PREX1: variants seen among roughly 807,000 people sequenced by gnomAD.
PREX1 encodes phosphatidylinositol 3,4,5-trisphosphate-dependent Rac exchanger 1 protein.
PREX1 carries 41 observed loss-of-function variants against 198.3 expected under a neutral mutation model. That is an observed-to-expected ratio of 0.21 (90% CI 0.16 to 0.27). PREX1 has a LOEUF of 0.27. Among genes scored for constraint, PREX1 ranks in the 10% least tolerant of loss-of-function variants. The pLI is 1.00. For missense variants in PREX1, 1,620 were observed against 2,200.7 expected, an observed-to-expected ratio of 0.74 and a Z score of 5.28; for synonymous variants, 843 against 887.2, an observed-to-expected ratio of 0.95 and a Z score of 0.89.
At chr20:48,807,379 G>T (rs2090416480) in intron 1 of PREX1, among the ~76,000 whole-genome samples, 1 of 152,022 alleles carries the variant, frequency 6.6e-6, no homozygotes, top group Non-Finnish European at 1.5e-5. Flanking sequence ...TAAAGGTACA[G>T]CACATACAGC....
At position 48,700,902 on chromosome 20, in the gene PREX1, G is replaced by T; in HGVS notation, c.784-16C>A. On this transcript the variant is annotated splice_polypyrimidine_tract_variant and intron_variant, in intron 6 of 39. Coordinates refer to ENST00000371941, the MANE Select transcript of PREX1 (RefSeq NM_020820.4). ...GGTTGGAACCCTGGAAGCGCAATGA[G>T]GACACAGTGAATGAGCCAACCCAGG... 6.2e-7 allele frequency: 1 copy of T among 1,614,038 alleles called. No individual in the cohort carries two copies. The highest frequency in any genetic ancestry group is 8.5e-7 in the Non-Finnish European group (1 of 1,179,932).
At chr20:48,701,762 G>C (rs988115775) in intron 6 of PREX1, among the ~76,000 whole-genome samples, 3 of 152,162 alleles carry the variant, frequency 2.0e-5, no homozygotes, top group Admixed American at 1.3e-4. Context: ...CTAAGCTAAA[G>C]ATTTACACGT....
chr20:48,676,513 G>A (rs1028475429), intron 13 of PREX1, among the ~76,000 whole-genome samples: 2 of 152,202 alleles, frequency 1.3e-5, no homozygotes, highest in Non-Finnish European at 2.9e-5. Context: ...CAGCTCCAGG[G>A]CTCTGGAAAC....
chr20:48,646,103 T>G (rs1279838816), intron 25 of PREX1, 46 bp from the exon 26 acceptor site: 14 of 1,579,634 alleles, frequency 8.9e-6, no homozygotes, highest in Non-Finnish European at 1.2e-5. Flanking sequence ...GCCTGGCCCT[T>G]TGTGTCCCTT....
the PREX1 span, among the ~76,000 whole-genome samples, chr20:48,885,201 G>A: frequency 6.6e-6 from 1 of 152,182 alleles, no homozygotes; most frequent in Middle Eastern, 3.2e-3. Context: ...TAGGTCATTT[G>A]GATATAACAG....
chr20:48,720,881 C>G (rs908582073), intron 5 of PREX1, among the ~76,000 whole-genome samples: 6 of 152,170 alleles, frequency 3.9e-5, no homozygotes, highest in Non-Finnish European at 8.8e-5. Context: ...GCATCACCCA[C>G]AGACAGACAT....
chr20:48,824,063 G>A (rs377081575), intron 1 of PREX1, among the ~76,000 whole-genome samples: 4 of 152,128 alleles, frequency 2.6e-5, no homozygotes, highest in East Asian at 1.9e-4. Flanking sequence ...CATGACTAAC[G>A]CTGCCCAGAG....
chr20:48,659,132 G>GGAGAGGA lies in PREX1; in HGVS notation c.1881+780_1881+786dup, dbSNP rs1179860548. Among the ~76,000 whole-genome samples the GGAGAGGA allele has an allele frequency of 1.7e-3, 251 of 147,176 alleles. 1 individual carries two copies. The highest frequency in any genetic ancestry group is 5.9e-3 in the African/African-American group (232 of 39,536). On this transcript the variant is annotated intron_variant, in intron 16 of 39. Coordinates refer to ENST00000371941, the MANE Select transcript of PREX1 (RefSeq NM_020820.4). ...TTGTCCTAGCCACTGGGGAGGCAGA[G>GGAGAGGA]GAGAGGAGAGAGGAGAGAGGGGAGG...
chr20:48,829,761 T>C (rs961980604), upstream of PREX1, among the ~76,000 whole-genome samples: 1 of 152,308 alleles, frequency 6.6e-6, no homozygotes, highest in Non-Finnish European at 1.5e-5. Flanking sequence ...GGGGAGAACA[T>C]GGCTGGAACA....
At chr20:48,703,775 A>G (rs542790008) in intron 6 of PREX1, among the ~76,000 whole-genome samples, 34 of 152,150 alleles carry the variant, frequency 2.2e-4, no homozygotes, top group African/African-American at 8.2e-4. Context: ...GCCAAGCACC[A>G]CCTGGCAAAC....
Position 48,624,723 on chromosome 20 carries a change from T to A in PREX1, c.*1162A>T, listed in dbSNP as rs1353584231. ...TGGCTTCCTGTGCTCTGGCTGGTGA[T>A]GTCCCAATCGCCCTGCTCTGAGAAG... On this transcript the variant is annotated 3_prime_UTR_variant, in exon 40 of 40. Coordinates refer to ENST00000371941, the MANE Select transcript of PREX1 (RefSeq NM_020820.4). 6.6e-6 allele frequency: 1 copy of A among 152,270 alleles called. No individual in the cohort carries two copies. Among genetic ancestry groups the A allele is most frequent in the Non-Finnish European group, 1.5e-5 (1 of 68,058 alleles). 9.4% of individuals were successfully genotyped at this position (152,270 alleles called of 1,614,324 possible).
the PREX1 span, among the ~76,000 whole-genome samples, chr20:48,867,535 C>T: frequency 2.0e-5 from 3 of 152,236 alleles, no homozygotes; most frequent in Non-Finnish European, 4.4e-5. Flanking sequence ...AGTCATCCAT[C>T]TTTGCATCTC....
intron 5 of PREX1, among the ~76,000 whole-genome samples, chr20:48,711,174 A>G (rs555065145): frequency 6.6e-6 from 1 of 152,304 alleles, no homozygotes; most frequent in East Asian, 1.9e-4. Flanking sequence ...TCTGTGCCTC[A>G]TTCACTCCAT....
intron 1 of PREX1, among the ~76,000 whole-genome samples, chr20:48,761,048 G>T (rs1453201262): frequency 1.3e-5 from 2 of 152,160 alleles, no homozygotes; most frequent in Non-Finnish European, 2.9e-5. Context: ...AAACAGAGAA[G>T]GATAAGGTGG....
the PREX1 span, among the ~76,000 whole-genome samples, chr20:48,858,995 A>T: frequency 6.6e-6 from 1 of 152,102 alleles, no homozygotes. Context: ...TCTTTGGCTC[A>T]AGTGATCCTC....
chr20:48,861,089 A>C, the PREX1 span, among the ~76,000 whole-genome samples: 1 of 152,176 alleles, frequency 6.6e-6, no homozygotes, highest in Non-Finnish European at 1.5e-5. Flanking sequence ...GCAGCATTGC[A>C]GTCACACCCA....
chr20:48,830,764 T>C (rs1339131286), upstream of PREX1, among the ~76,000 whole-genome samples: 1 of 152,248 alleles, frequency 6.6e-6, no homozygotes, highest in Non-Finnish European at 1.5e-5. Context: ...TGTGCCTTGC[T>C]TTCCTCATCT....
chr20:48,718,316 G>A (rs1406942587), intron 5 of PREX1, among the ~76,000 whole-genome samples: 1 of 152,168 alleles, frequency 6.6e-6, no homozygotes, highest in Non-Finnish European at 1.5e-5. Context: ...GGTGAGAGAT[G>A]GTGGTGATTG....
chr20:48,714,514 G>C (rs571382833), intron 5 of PREX1, among the ~76,000 whole-genome samples: 2 of 152,304 alleles, frequency 1.3e-5, no homozygotes, highest in East Asian at 3.9e-4. Context: ...CAGATGAAAA[G>C]ATGTTCAACA....
Sources: gnomAD v4.1 joint callset for allele counts (sites outside exome capture counted in the v4.1 genomes callset) on GRCh38, gnomAD v4.1.1 for gene constraint, MANE v1.5 for transcripts, NCBI Gene and HGNC (gene_info 2026-07-23, HGNC 2026-07-21) for gene names.